Variants in RYR2 observed in about 807,000 individuals in gnomAD.
The protein encoded by RYR2 is ryanodine receptor 2.
A neutral mutation model predicts 601.1 loss-of-function variants in RYR2; 227 were observed. The ratio of observed to expected loss-of-function variants is 0.38; its 90% CI spans 0.34 to 0.42. RYR2 has a LOEUF of 0.42. Among genes scored for constraint, RYR2 ranks in the 10% least tolerant of loss-of-function variants. RYR2 has a pLI of 1.00. For missense variants in RYR2, 4,646 were observed against 6,156.5 expected, an observed-to-expected ratio of 0.75 and a Z score of 8.21; for synonymous variants, 2,223 against 2,175.1, an observed-to-expected ratio of 1.02 and a Z score of -0.61.
chr1:237,711,587 CTCATTAG>C (rs1688845873), intron 70 of RYR2, among the ~76,000 whole-genome samples, 151 bp from the exon 71 acceptor site: 1 of 152,182 alleles, frequency 6.6e-6, no homozygotes, highest in East Asian at 1.9e-4. Context: ...GCCAAGTACC[CTCATTAG>C]ATACTCAAGA....
chr1:237,309,627 C>T (rs1209441710), intron 2 of RYR2, among the ~76,000 whole-genome samples: 1 of 152,232 alleles, frequency 6.6e-6, no homozygotes, highest in African/African-American at 2.4e-5. Flanking sequence ...CACTGTGTGC[C>T]CACACTCCTC....
intron 24 of RYR2, among the ~76,000 whole-genome samples, chr1:237,523,182 A>G (rs1044815337): frequency 3.3e-5 from 5 of 152,216 alleles, no homozygotes; most frequent in African/African-American, 4.8e-5. Flanking sequence ...CTTAGATACA[A>G]TATCCAAAAC....
At chr1:237,687,552 C>G in intron 63 of RYR2, 48 bp downstream of exon 63, 1 of 1,462,316 alleles carries the variant, frequency 6.8e-7, no homozygotes, top group Non-Finnish European at 9.5e-7. Context: ...ACTTGGTTTT[C>G]TTTGCCATTT....
chr1:237,641,493 C>CTTTCTTTCTTTCTTTCTTTCTT (rs1681509302), intron 47 of RYR2, among the ~76,000 whole-genome samples: 4 of 142,000 alleles, frequency 2.8e-5, no homozygotes, highest in African/African-American at 1.1e-4. Flanking sequence ...TTCTTTCTTT[C>CTTTCTTTCTTTCTTTCTTTCTT]TTTCTTTCTT....
At chr1:237,182,684 G>A (rs1451491839) in intron 1 of RYR2, among the ~76,000 whole-genome samples, 1 of 151,960 alleles carries the variant, frequency 6.6e-6, no homozygotes, top group Admixed American at 6.6e-5. Context: ...TAGTTACAAC[G>A]GTATACTAGT....
rs151148625 is a variant in RYR2, at chr1:237,297,581, A to T, written c.168+26965A>T. ...ATTGGGAGTATAATGTGATGGTTTG[A>T]TGCAGAATAAGCTTGAACAATATTT... On this transcript the variant is annotated intron_variant, in intron 2 of 104. Transcript: ENST00000366574. Among the ~76,000 whole-genome samples the T allele has an allele frequency of 3.3e-4, 50 of 152,244 alleles. No individual in the cohort carries two copies. In the East Asian group the frequency reaches 9.1e-3, roughly 28 times the overall value.
rs1180257015 is a variant in RYR2, at chr1:237,623,867, T to A, written c.6019T>A (p.Cys2007Ser). Residue 2007 changes from cysteine (C) to serine (S), a missense_variant, in exon 39 of 105, where the codon TGT becomes AGT. Physicochemically the swap from Cys to Ser is moderately radical, Grantham distance 112. Around this residue, in one of 17 missense-constraint regions of RYR2, gnomAD observed 170 missense variants for 184.5 expected, o/e 0.92. Transcript: ENST00000366574. The part of the protein sequence containing the change: ...LDFHEDLMTH[C>S]GIELDEDGSL... ...TTTCCATGAAGATTTGATGACACAT[T>A]GTGGTAAGGTCTTTTTGATTAAAAG... The A allele has an allele frequency of 6.3e-7, 1 of 1,592,518 alleles. No individual in the cohort carries two copies. The highest frequency in any genetic ancestry group is 8.6e-7 in the Non-Finnish European group (1 of 1,160,430).
chr1:237,580,009 A>T (rs1572957192), intron 29 of RYR2, among the ~76,000 whole-genome samples: 1 of 75,646 alleles, frequency 1.3e-5, no homozygotes, highest in East Asian at 1.2e-3. Context: ...AAAACCATGC[A>T]CAGAGTCTTC....
intron 1 of RYR2, among the ~76,000 whole-genome samples, chr1:237,043,323 G>A (rs961656853): frequency 1.3e-5 from 2 of 152,164 alleles, no homozygotes; most frequent in Admixed American, 6.5e-5. Context: ...GTGGTGGTGG[G>A]GAGAACATCG....
chr1:237,249,387 A>G (rs983577051), intron 1 of RYR2, among the ~76,000 whole-genome samples: 9 of 151,996 alleles, frequency 5.9e-5, no homozygotes, highest in Non-Finnish European at 1.2e-4. Flanking sequence ...ACTGCATATG[A>G]CCTTGTTCAT....
intron 1 of RYR2, among the ~76,000 whole-genome samples, chr1:237,244,272 A>G (rs186275562): frequency 4.1e-4 from 63 of 152,312 alleles, no homozygotes; most frequent in African/African-American, 1.3e-3. Context: ...TTCCACATTC[A>G]GTGCATCTTT....
intron 1 of RYR2, among the ~76,000 whole-genome samples, chr1:237,228,842 CTTCCTT>C (rs1257604992): frequency 6.6e-6 from 1 of 152,152 alleles, no homozygotes; most frequent in Admixed American, 6.6e-5. Flanking sequence ...GCCAAATTCT[CTTCCTT>C]TTCATGGTTT....
chr1:237,474,167 A>G (rs916996339), intron 17 of RYR2, among the ~76,000 whole-genome samples: 7 of 151,368 alleles, frequency 4.6e-5, no homozygotes, highest in Non-Finnish European at 8.8e-5. Flanking sequence ...GAAGGGAGTT[A>G]TCTATACATA....
rs558404223 is a variant in RYR2, at chr1:237,288,385, T to C, written c.168+17769T>C. 3.3e-5 allele frequency among the ~76,000 whole-genome samples: 5 copies of C among 152,198 alleles called. No individual in the cohort carries two copies. The South Asian group carries it at 8.3e-4, about 25-fold the overall frequency. On this transcript the variant is annotated intron_variant, in intron 2 of 104. Transcript: ENST00000366574. Reference sequence around the variant, plus strand: ...GGGCCCTAGAGCTCCCAAGATTATATGTCCTTTGTCTTCTGCTACCAGGGT... The same window carrying C: ...GGGCCCTAGAGCTCCCAAGATTATACGTCCTTTGTCTTCTGCTACCAGGGT...
chr1:237,696,882 T>C (rs1348036211), intron 63 of RYR2, among the ~76,000 whole-genome samples: 1 of 152,154 alleles, frequency 6.6e-6, no homozygotes. Context: ...ACTGATTCCG[T>C]TCCTGCAGTA....
chr1:237,325,556 C>T (rs1201083114), intron 2 of RYR2, among the ~76,000 whole-genome samples: 3 of 151,830 alleles, frequency 2.0e-5, no homozygotes, highest in Non-Finnish European at 1.5e-5. Context: ...GGCGTGGTGG[C>T]GGGTGCCTGT....
intron 24 of RYR2, among the ~76,000 whole-genome samples, chr1:237,521,978 T>C (rs1410420308): frequency 6.6e-6 from 1 of 152,128 alleles, no homozygotes. Context: ...AATGCTCTTT[T>C]CTTTTTTTAT....
intron 1 of RYR2, among the ~76,000 whole-genome samples, chr1:237,084,668 G>A (rs559566855): frequency 6.6e-6 from 1 of 152,284 alleles, no homozygotes; most frequent in Admixed American, 6.5e-5. Flanking sequence ...GCATTTCCTT[G>A]GTGCCTTCAC....
At chr1:237,618,762 G>T (rs1402912892) in intron 38 of RYR2, among the ~76,000 whole-genome samples, 1 of 152,166 alleles carries the variant, frequency 6.6e-6, no homozygotes, top group Non-Finnish European at 1.5e-5. Context: ...ACTCTCACCA[G>T]GCTGTAACAA....
Sources: allele counts gnomAD v4.1 joint callset (sites outside exome capture counted in the v4.1 genomes callset), GRCh38; gene constraint gnomAD v4.1.1; regional missense constraint gnomAD v4.1.1; transcripts MANE v1.5; gene names NCBI Gene and HGNC (gene_info 2026-07-23, HGNC 2026-07-21).